LIMCH1: variants seen among roughly 807,000 people sequenced by gnomAD.
The protein encoded by LIMCH1 is LIM and calponin homology domains-containing protein 1.
Under a neutral mutation model 176.5 loss-of-function variants are expected in LIMCH1, and 113 were observed. The observed-to-expected ratio is 0.64, with a 90% confidence interval of 0.55 to 0.75. The LOEUF (loss-of-function observed/expected upper bound fraction) is 0.75, where lower values mean the gene tolerates loss of function less well. Among genes scored for constraint, LIMCH1 ranks in the 30% least tolerant of loss-of-function variants. The pLI, the probability that LIMCH1 is intolerant of heterozygous loss-of-function variation, is 0.00. For missense variants in LIMCH1, 1,674 were observed against 1,814.9 expected, an observed-to-expected ratio of 0.92 and a Z score of 1.41; for synonymous variants, 619 against 645.9, an observed-to-expected ratio of 0.96 and a Z score of 0.63.
intron 3 of LIMCH1, 105 bp from the exon 4 acceptor site, chr4:41,605,789 T>A (rs2090620649): frequency 1.6e-6 from 1 of 625,246 alleles, no homozygotes; most frequent in Admixed American, 2.5e-5. Context: ...TCGATGTAAA[T>A]CAGCTCTTTC....
chr4:41,453,907 C>T (rs1455951337), intron 1 of LIMCH1, among the ~76,000 whole-genome samples: 2 of 152,128 alleles, frequency 1.3e-5, no homozygotes, highest in African/African-American at 4.8e-5. Context: ...TCTTTTTCCA[C>T]GCTTCTGTTC....
At chr4:41,615,383 A>C (rs758099537) in intron 5 of LIMCH1, among the ~76,000 whole-genome samples, 5 of 152,160 alleles carry the variant, frequency 3.3e-5, no homozygotes, top group Non-Finnish European at 5.9e-5. Flanking sequence ...ATATGTATGA[A>C]GTACAATTTA....
chr4:41,467,636 C>A (rs2066345590), intron 1 of LIMCH1, among the ~76,000 whole-genome samples: 2 of 152,170 alleles, frequency 1.3e-5, no homozygotes, highest in South Asian at 4.1e-4. Flanking sequence ...TATTACAATT[C>A]AAGGTGAGAT....
At chr4:41,678,728 T>A (rs1366747524) in intron 23 of LIMCH1, among the ~76,000 whole-genome samples, 2 of 150,550 alleles carry the variant, frequency 1.3e-5, no homozygotes, top group African/African-American at 4.9e-5. Flanking sequence ...GAGAGAGAGA[T>A]CGTGTGTGTG....
At chr4:41,419,595 CTTCCTTCCGTCCTTCCTTCCTTCCT>C (rs2060300028) in intron 1 of LIMCH1, among the ~76,000 whole-genome samples, 6 of 78,606 alleles carry the variant, frequency 7.6e-5, no homozygotes, top group African/African-American at 6.6e-4. Flanking sequence ...TCCTTCCTTC[CTTCCTTCCGTCCTTCCTTCCTTCCT>C]TCCTTCCTTC....
intron 1 of LIMCH1, among the ~76,000 whole-genome samples, chr4:41,448,628 CT>C (rs775514565): frequency 7.9e-5 from 12 of 151,922 alleles, no homozygotes; most frequent in Non-Finnish European, 1.6e-4. Flanking sequence ...GCAAATCATG[CT>C]TTTCAGTATA....
intron 1 of LIMCH1, among the ~76,000 whole-genome samples, chr4:41,597,847 T>C (rs1280989698): frequency 6.6e-6 from 1 of 152,170 alleles, no homozygotes. Flanking sequence ...GGTGTGTACA[T>C]TGGGGGCAGG....
At chr4:41,544,758 GATCA>G (rs1195520034) in intron 1 of LIMCH1, among the ~76,000 whole-genome samples, 9 of 152,094 alleles carry the variant, frequency 5.9e-5, no homozygotes, top group Admixed American at 5.9e-4. Flanking sequence ...CTGGACACTG[GATCA>G]GCCTTACTGC....
At chr4:41,372,130 C>T (rs1242061608) in intron 1 of LIMCH1, among the ~76,000 whole-genome samples, 10 of 152,206 alleles carry the variant, frequency 6.6e-5, no homozygotes, top group Non-Finnish European at 7.3e-5. Flanking sequence ...GATCTTTCTG[C>T]ATTTTCCTCT....
At chr4:41,608,848 A>G (rs1431061818) in intron 4 of LIMCH1, among the ~76,000 whole-genome samples, 4 of 152,158 alleles carry the variant, frequency 2.6e-5, no homozygotes, top group Non-Finnish European at 4.4e-5. Context: ...TGGAGATTTC[A>G]GGATCTTTCT....
intron 1 of LIMCH1, among the ~76,000 whole-genome samples, chr4:41,553,446 A>C (rs1222813386): frequency 6.6e-6 from 1 of 152,138 alleles, no homozygotes; most frequent in Non-Finnish European, 1.5e-5. Flanking sequence ...GCAGAAAGAA[A>C]AAGGTGGTAT....
chr4:41,576,008 T>C (rs946476117), intron 1 of LIMCH1, among the ~76,000 whole-genome samples: 5 of 152,182 alleles, frequency 3.3e-5, no homozygotes, highest in African/African-American at 1.2e-4. Flanking sequence ...GAAAACTAAC[T>C]TGCCTAGTTG....
intron 1 of LIMCH1, among the ~76,000 whole-genome samples, chr4:41,594,138 A>G (rs535379085): frequency 6.6e-6 from 1 of 152,322 alleles, no homozygotes; most frequent in South Asian, 2.1e-4. Context: ...ATATCATCCA[A>G]TGTGCAGTTT....
Position 41,699,002 on chromosome 4 carries a change from A to T in LIMCH1, c.*1817A>T, listed in dbSNP as rs947564130. The T allele has an allele frequency of 4.8e-4, 73 of 152,020 alleles. No homozygotes were observed. The highest frequency in any genetic ancestry group is 1.6e-3 in the African/African-American group (67 of 41,552). 9.4% of individuals were successfully genotyped at this position (152,020 alleles called of 1,614,324 possible). ...AATAAAAATAAAAAAAGAAAAAAAG[A>T]AAAAATTAAAAAGAAAAATTGTTTT... On this transcript the variant is annotated 3_prime_UTR_variant, in exon 32 of 32. Transcript: ENST00000503057.
At chr4:41,482,692 C>T (rs546522714) in intron 1 of LIMCH1, among the ~76,000 whole-genome samples, 1 of 152,258 alleles carries the variant, frequency 6.6e-6, no homozygotes, top group South Asian at 2.1e-4. Context: ...GAATGAGATC[C>T]ATGGCAATTT....
chr4:41,458,813 C>CTTGAATAT (rs1370140520), intron 1 of LIMCH1, among the ~76,000 whole-genome samples: 1 of 145,268 alleles, frequency 6.9e-6, no homozygotes, highest in Non-Finnish European at 1.5e-5. Flanking sequence ...TGAGTCCTTT[C>CTTGAATAT]TTGAATATCA....
chr4:41,671,838 T>G (rs1294971897), intron 22 of LIMCH1, among the ~76,000 whole-genome samples: 1 of 130,620 alleles, frequency 7.7e-6, no homozygotes, highest in Non-Finnish European at 1.6e-5. Flanking sequence ...GGCACCGAGA[T>G]CGTGTCACTG....
Position 41,661,849 on chromosome 4 carries a change from A to T in LIMCH1, c.3127+339A>T, listed in dbSNP as rs985675091. 5.7e-5 allele frequency: 22 copies of T among 383,074 alleles called. No homozygotes were observed. In the East Asian group the frequency reaches 1.4e-3, roughly 24 times the overall value. The allele number at this position is 383,074 out of a possible 1,614,324, so 23.7% of individuals were successfully genotyped here. On this transcript the variant is annotated intron_variant, in intron 19 of 31. Transcript: ENST00000503057. The stretch of plus-strand genomic sequence containing the variant: ...TTTTGACACACAGTAACAGCAATAG[A>T]TAAGCGAGAGGTCAAAAACATAAAA...
chr4:41,586,070 C>T (rs867368854), intron 1 of LIMCH1, among the ~76,000 whole-genome samples: 5 of 138,446 alleles, frequency 3.6e-5, no homozygotes, highest in Non-Finnish European at 4.7e-5. Context: ...CCCTCCCCTC[C>T]GCTCCCTCTC....
Sources: allele counts gnomAD v4.1 joint callset (sites outside exome capture counted in the v4.1 genomes callset), GRCh38; gene constraint gnomAD v4.1.1; transcripts MANE v1.5; gene names NCBI Gene and HGNC (gene_info 2026-07-23, HGNC 2026-07-21).